Variants in EPB41L5 observed in about 807,000 individuals in gnomAD.
EPB41L5 encodes erythrocyte membrane protein band 4.1 like 5.
In EPB41L5, 55 loss-of-function variants were observed where a neutral mutation model predicts 106.6. The observed-to-expected ratio is 0.52, with a 90% CI of 0.42 to 0.65. EPB41L5 has a LOEUF of 0.65. Ranked by LOEUF, EPB41L5 falls within the 30% of genes least tolerant of loss-of-function variation. EPB41L5 has a pLI of 0.00. For missense variants in EPB41L5, 871 were observed against 882.1 expected (o/e 0.99, Z 0.16); for synonymous variants, 297 against 306.7 (o/e 0.97, Z 0.33).
intron 3 of EPB41L5, among the ~76,000 whole-genome samples, chr2:120,060,732 C>G (rs1001177170): frequency 3.3e-5 from 5 of 152,114 alleles, no homozygotes; most frequent in African/African-American, 1.2e-4. Flanking sequence ...TAAAATGACA[C>G]AGAACTATAC....
intron 2 of EPB41L5, among the ~76,000 whole-genome samples, chr2:120,025,929 A>G (rs552974216): frequency 3.9e-5 from 6 of 152,372 alleles, no homozygotes; most frequent in Admixed American, 3.3e-4. Context: ...GCACAAGGAT[A>G]GACACATAGG....
intron 16 of EPB41L5, among the ~76,000 whole-genome samples, chr2:120,120,394 T>C (rs1304005496): frequency 7.3e-6 from 1 of 136,126 alleles, no homozygotes; most frequent in Non-Finnish European, 1.5e-5. Context: ...ATTGTGCCAC[T>C]GCACTCCAGC....
chr2:120,146,199 C>CTTTT, intron 19 of EPB41L5, 26 bp from the exon 20 acceptor site: 1 of 1,415,520 alleles, frequency 7.1e-7, no homozygotes, highest in Admixed American at 1.7e-5. Flanking sequence ...TAAAGATTTA[C>CTTTT]TTTTTTTAAT....
At chr2:120,134,596 G>GA (rs1236002761) in intron 18 of EPB41L5, among the ~76,000 whole-genome samples, 1 of 152,206 alleles carries the variant, frequency 6.6e-6, no homozygotes, top group East Asian at 1.9e-4. Flanking sequence ...AGCTCACTGA[G>GA]AAGAGAGAGA....
At chr2:120,147,825 A>G (rs543012433) in intron 20 of EPB41L5, among the ~76,000 whole-genome samples, 2 of 152,270 alleles carry the variant, frequency 1.3e-5, no homozygotes, top group South Asian at 4.1e-4. Flanking sequence ...TAGAGCATAC[A>G]TGCAGATTTA....
chr2:120,057,064 T>A (rs1046613870), intron 3 of EPB41L5, among the ~76,000 whole-genome samples: 3 of 152,102 alleles, frequency 2.0e-5, no homozygotes, highest in Non-Finnish European at 4.4e-5. Flanking sequence ...TGGCTAATTC[T>A]TTATTTTTTT....
intron 24 of EPB41L5, among the ~76,000 whole-genome samples, chr2:120,170,925 A>ATTACAGAGGTGTATTCAAT (rs1687646509): frequency 6.6e-6 from 1 of 152,228 alleles, no homozygotes. Flanking sequence ...CTACATGCTG[A>ATTACAGAGGTGTATTCAAT]TTACAGAGGT....
intron 12 of EPB41L5, among the ~76,000 whole-genome samples, chr2:120,091,140 G>A (rs1001118674): frequency 2.0e-5 from 3 of 152,086 alleles, no homozygotes; most frequent in Non-Finnish European, 4.4e-5. Context: ...AAATCAAGGA[G>A]AATAAGACAG....
intron 2 of EPB41L5, among the ~76,000 whole-genome samples, chr2:120,028,721 G>T (rs1016329713): frequency 1.4e-4 from 22 of 152,116 alleles, no homozygotes; most frequent in African/African-American, 5.3e-4. Context: ...GGAGGGGAGT[G>T]AGGACTAGTG....
intron 20 of EPB41L5, among the ~76,000 whole-genome samples, chr2:120,146,707 C>T (rs534860716): frequency 6.6e-5 from 10 of 152,326 alleles, no homozygotes; most frequent in African/African-American, 2.2e-4. Flanking sequence ...GTCTCTTCTG[C>T]CCTTGCTCCC....
At chr2:120,031,790 A>C (rs138886460) in intron 2 of EPB41L5, among the ~76,000 whole-genome samples, 53 of 152,224 alleles carry the variant, frequency 3.5e-4, no homozygotes, top group African/African-American at 1.3e-3. Flanking sequence ...TCTCTGTGGG[A>C]TTATTGGAAG....
chr2:120,040,105 G>A (rs1391620624), intron 2 of EPB41L5, among the ~76,000 whole-genome samples: 2 of 151,274 alleles, frequency 1.3e-5, no homozygotes, highest in Non-Finnish European at 2.9e-5. Flanking sequence ...AAATGGATAA[G>A]TAATATGTGC....
At chr2:120,050,678 C>T (rs896460719) in intron 3 of EPB41L5, among the ~76,000 whole-genome samples, 1 of 152,246 alleles carries the variant, frequency 6.6e-6, no homozygotes, top group Non-Finnish European at 1.5e-5. Flanking sequence ...ATTCTCCATC[C>T]AGCTTTGTTC....
At chr2:120,132,498 C>G (rs1685744015) in intron 18 of EPB41L5, among the ~76,000 whole-genome samples, 1 of 152,170 alleles carries the variant, frequency 6.6e-6, no homozygotes, top group South Asian at 2.1e-4. Context: ...TAGAGACCAG[C>G]AGAGAGTAGA....
At chr2:120,102,798 G>C (rs989421655) in intron 16 of EPB41L5, among the ~76,000 whole-genome samples, 4 of 152,116 alleles carry the variant, frequency 2.6e-5, no homozygotes, top group Admixed American at 2.0e-4. Flanking sequence ...GAATAATCAA[G>C]TATTTAAAAT....
At chr2:120,131,555 C>T in intron 17 of EPB41L5, 63 bp from the exon 18 acceptor site, 1 of 1,134,882 alleles carries the variant, frequency 8.8e-7, no homozygotes, top group South Asian at 1.3e-5. Context: ...ACCATACCCT[C>T]ACACAGCTAG....
intron 17 of EPB41L5, among the ~76,000 whole-genome samples, chr2:120,130,286 A>G (rs1388493210): frequency 6.6e-6 from 1 of 152,342 alleles, no homozygotes; most frequent in East Asian, 1.9e-4. Flanking sequence ...GACCTAATCC[A>G]TTCAGACTTA....
intron 18 of EPB41L5, among the ~76,000 whole-genome samples, chr2:120,134,454 G>T (rs1685836582): frequency 6.6e-6 from 1 of 152,082 alleles, no homozygotes; most frequent in South Asian, 2.1e-4. Flanking sequence ...CATGAGTGTT[G>T]GCCAAACAAT....
Position 120,075,724 on chromosome 2 carries a change from C to G in EPB41L5, c.476C>G (p.Ala159Gly). ...AGATTAGACTGTCCCTTTGATACAG[C>G]AGTGCAATTGGCAGCTTATAATCTG... ...SGKLDCPFDT[A>G]VQLAAYNLQA... Residue 159 changes from alanine (A) to glycine (G), a missense_variant, in exon 7 of 25, where the codon GCA (alanine) becomes GGA (glycine). Physicochemically the swap from Ala to Gly is moderately conservative, Grantham distance 60. Coordinates refer to ENST00000263713, the MANE Select transcript of EPB41L5 (RefSeq NM_020909.4). The G allele has an allele frequency of 1.2e-6, 2 of 1,613,494 alleles. No individual in the cohort carries two copies. Among genetic ancestry groups the G allele is most frequent in the Non-Finnish European group, 1.7e-6 (2 of 1,179,602 alleles).
Sources: gnomAD v4.1 joint callset for allele counts (sites outside exome capture counted in the v4.1 genomes callset) on GRCh38, gnomAD v4.1.1 for gene constraint, MANE v1.5 for transcripts, NCBI Gene and HGNC (gene_info 2026-07-23, HGNC 2026-07-21) for gene names.